The following KIRREL3 variants were observed in gnomAD, a reference collection of about 807,000 sequenced individuals.
The protein encoded by KIRREL3 is kin of IRRE-like protein 3.
KIRREL3 carries 36 observed loss-of-function variants against 89.7 expected under a neutral mutation model. The observed-to-expected ratio is 0.40, with a 90% CI of 0.31 to 0.53. KIRREL3 has a LOEUF of 0.53. KIRREL3 is among the 20% of genes least tolerant of loss of function. The pLI, the probability that KIRREL3 is intolerant of heterozygous loss-of-function variation, is 0.49. For missense variants in KIRREL3, 864 were observed against 1,056.6 expected, an observed-to-expected ratio of 0.82 and a Z score of 2.53; for synonymous variants, 445 against 441.4, an observed-to-expected ratio of 1.01 and a Z score of -0.10.
rs1049895575 is a variant in KIRREL3, at chr11:126,520,978, C to T, written c.433+337G>A. On this transcript the variant is annotated intron_variant, in intron 4 of 16. Transcript: ENST00000525144. The surrounding 1 kb of genome is among the most constrained non-coding windows in gnomAD (Gnocchi z 4.9). ...AGCCTGTGCCACATTCTTCCTGGCA[C>T]GGAGCCTAGCCTAGATAACGTGTGC... is the stretch of plus-strand genomic sequence containing the variant. Among the ~76,000 whole-genome samples the T allele has an allele frequency of 2.4e-4, 37 of 152,264 alleles. No individual in the cohort carries two copies. Among genetic ancestry groups the T allele is most frequent in the African/African-American group, 7.7e-4 (32 of 41,550 alleles).
chr11:126,544,795 G>A lies in KIRREL3; in HGVS notation c.133+18040C>T, dbSNP rs1938654296. Among the ~76,000 whole-genome samples the A allele has an allele frequency of 6.6e-6, 1 of 152,176 alleles. No homozygotes were observed. Among genetic ancestry groups the A allele is most frequent in the Non-Finnish European group, 1.5e-5 (1 of 68,024 alleles). ...TTGCAAGTCCGTTGCTGCCTGGGAA[G>A]CAGCCATTCCTGGACACTTGGCCGA... is the stretch of plus-strand genomic sequence containing the variant. On this transcript the variant is annotated intron_variant, in intron 2 of 16. Coordinates refer to ENST00000525144, the MANE Select transcript of KIRREL3 (RefSeq NM_032531.4). This position sits in a 1 kb window ranked among gnomAD's most constrained non-coding sequence, Gnocchi z 5.6.
intron 11 of KIRREL3, among the ~76,000 whole-genome samples, chr11:126,437,373 G>GCA (rs961724186): frequency 6.7e-6 from 1 of 148,488 alleles, no homozygotes; most frequent in Non-Finnish European, 1.5e-5. Flanking sequence ...ACACAGCTCT[G>GCA]CACACACACA....
intron 1 of KIRREL3, among the ~76,000 whole-genome samples, chr11:126,901,642 A>G (rs1028418651): frequency 1.1e-4 from 17 of 152,218 alleles, no homozygotes; most frequent in Non-Finnish European, 2.4e-4. Flanking sequence ...TATTTAAGTC[A>G]CAACTTGGAT....
chr11:126,864,559 G>A (rs770759405), intron 1 of KIRREL3, among the ~76,000 whole-genome samples: 2 of 152,188 alleles, frequency 1.3e-5, no homozygotes, highest in Non-Finnish European at 2.9e-5. Context: ...CTATGTGTCT[G>A]AACTGGTCTT....
chr11:126,749,686 C>A (rs1557487), intron 1 of KIRREL3, among the ~76,000 whole-genome samples: 130,323 of 152,004 alleles, frequency 0.86, 55,999 homozygotes, highest in East Asian at 1. Context: ...GAAGAAAATA[C>A]AAAAGTCCAC....
intron 1 of KIRREL3, among the ~76,000 whole-genome samples, chr11:126,819,355 A>G (rs1189312898): frequency 6.6e-6 from 1 of 152,214 alleles, no homozygotes; most frequent in African/African-American, 2.4e-5. Context: ...GGACAAGGGA[A>G]GCAACTACCT....
rs377199630 is a variant in KIRREL3, at chr11:126,797,317, G to C, written c.55+203138C>G. 1.2e-3 allele frequency among the ~76,000 whole-genome samples: 180 copies of C among 152,326 alleles called. 2 individuals carry two copies. The South Asian group carries it at 0.035, about 30-fold the overall frequency. ...AATAACAACATTGTTTCAAAGAGCT[G>C]TGTTGAGCATCAAATGCATCTGATT... On this transcript the variant is annotated intron_variant, in intron 1 of 16. Transcript: ENST00000525144. The surrounding 1 kb of genome is among the most constrained non-coding windows in gnomAD (Gnocchi z 4.9).
chr11:126,986,258 T>A (rs1232201224), intron 1 of KIRREL3, among the ~76,000 whole-genome samples: 1 of 152,186 alleles, frequency 6.6e-6, no homozygotes, highest in Non-Finnish European at 1.5e-5. Flanking sequence ...TGAGAACATT[T>A]TTTTTTATGA....
chr11:126,543,834 T>C (rs1938566795), intron 2 of KIRREL3: 1 of 152,398 alleles, frequency 6.6e-6, no homozygotes, highest in South Asian at 2.1e-4. Context: ...TCCCTAGCCA[T>C]AGCTCTCTCT....
intron 1 of KIRREL3, among the ~76,000 whole-genome samples, chr11:126,604,992 A>C (rs1032231267): frequency 1.3e-5 from 2 of 152,222 alleles, no homozygotes; most frequent in African/African-American, 4.8e-5. Flanking sequence ...GTGCATTGTA[A>C]ATTGCAAAGT....
Position 126,521,534 on chromosome 11 carries a change from G to C in KIRREL3, c.284-70C>G. On this transcript the variant is annotated intron_variant, in intron 3 of 16. Transcript: ENST00000525144. This position sits in a 1 kb window ranked among gnomAD's most constrained non-coding sequence, Gnocchi z 4.1. The stretch of plus-strand genomic sequence containing the variant: ...GGGACACCCATGACAAAGAGGCACA[G>C]AATGGAGGACCCAAGCAGGGGCCAT... 11 of 1,409,310 alleles carry C rather than the reference G, an allele frequency of 7.8e-6. No homozygotes were observed. Among genetic ancestry groups the C allele is most frequent in the Non-Finnish European group, 1.1e-5 (11 of 1,042,474 alleles). 87.3% of individuals were successfully genotyped at this position (1,409,310 alleles called of 1,614,324 possible). A position where few individuals can be genotyped will look rare whatever the true frequency, so the allele number is the denominator to read the frequency against.
chr11:126,667,286 G>T (rs1299215036), intron 1 of KIRREL3, among the ~76,000 whole-genome samples: 1 of 152,192 alleles, frequency 6.6e-6, no homozygotes, highest in Admixed American at 6.5e-5. Flanking sequence ...CAGAAGTACT[G>T]TACACACACA....
chr11:126,952,383 GA>G lies in KIRREL3; in HGVS notation c.55+48071del, dbSNP rs371863572. On this transcript the variant is annotated intron_variant, in intron 1 of 16. Coordinates refer to ENST00000525144, the MANE Select transcript of KIRREL3 (RefSeq NM_032531.4). ...CTGGGCGAAAGAGCAAGACTGTCTT[GA>G]AAAAAAAAAAGAATATTCATATCCT... is the stretch of plus-strand genomic sequence containing the variant. Among the ~76,000 whole-genome samples the G allele has an allele frequency of 4.3e-3, 622 of 145,612 alleles. 1 individual carries two copies. Among genetic ancestry groups the G allele is most frequent in the Non-Finnish European group, 6.4e-3 (423 of 65,948 alleles).
Position 126,923,129 on chromosome 11 carries a change from C to CCCT in KIRREL3, c.55+77325_55+77326insAGG, listed in dbSNP as rs1555090095. Among the ~76,000 whole-genome samples, 18 of 25,740 alleles carry CCCT rather than the reference C, an allele frequency of 7.0e-4. 7 individuals carry two copies. The highest frequency in any genetic ancestry group is 3.5e-3 in the African/African-American group (18 of 5,162). The allele number at this position is 25,740 out of a possible 152,430, so 16.9% of individuals were successfully genotyped here. A position where few individuals can be genotyped will look rare whatever the true frequency, so the allele number is the denominator to read the frequency against. ...CCTTCTCCTTCTCCTTCTCCTTCTT[C>CCCT]TCTTCTTCTTCTTCTTCTTCTTCTT... On this transcript the variant is annotated intron_variant, in intron 1 of 16. Coordinates refer to ENST00000525144, the MANE Select transcript of KIRREL3 (RefSeq NM_032531.4).
intron 1 of KIRREL3, among the ~76,000 whole-genome samples, chr11:126,777,067 G>T (rs1388240478): frequency 6.6e-6 from 1 of 152,180 alleles, no homozygotes; most frequent in African/African-American, 2.4e-5. Context: ...ATAACCAGTA[G>T]GACTGTAGTA....
intron 1 of KIRREL3, among the ~76,000 whole-genome samples, chr11:126,589,267 T>C (rs1942024348): frequency 6.6e-6 from 1 of 152,238 alleles, no homozygotes; most frequent in Non-Finnish European, 1.5e-5. Context: ...TGAAAGAGTC[T>C]GGGCTGTTGG....
rs931566820 is a variant in KIRREL3 at position 126,783,029 on chromosome 11, G to A, written c.55+217426C>T. 6.6e-6 allele frequency among the ~76,000 whole-genome samples: 1 copy of A among 152,186 alleles called. No individual in the cohort carries two copies. The highest frequency in any genetic ancestry group is 2.4e-5 in the African/African-American group (1 of 41,454). Reference sequence around the variant, plus strand: ...GTGCCAGAAAATAAGGAAGTGCTCTGTGCTAGTTTCCTAGAGATGTCATAA... The same window carrying A: ...GTGCCAGAAAATAAGGAAGTGCTCTATGCTAGTTTCCTAGAGATGTCATAA... On this transcript the variant is annotated intron_variant, in intron 1 of 16. Transcript: ENST00000525144. This position sits in a 1 kb window ranked among gnomAD's most constrained non-coding sequence, Gnocchi z 4.3.
At chr11:126,436,738 C>A in intron 12 of KIRREL3, 73 bp downstream of exon 12, 1 of 1,549,026 alleles carries the variant, frequency 6.5e-7, no homozygotes, top group Non-Finnish European at 8.9e-7. Flanking sequence ...GCCACCCGCG[C>A]CCTGACCTAG....
At chr11:126,426,911 A>G (rs945034942) in intron 15 of KIRREL3, among the ~76,000 whole-genome samples, 1 of 152,148 alleles carries the variant, frequency 6.6e-6, no homozygotes, top group Non-Finnish European at 1.5e-5. Flanking sequence ...TTCAACTTCT[A>G]AGTCTGCCCC....
Sources: gnomAD v4.1 joint callset for allele counts (sites outside exome capture counted in the v4.1 genomes callset) on GRCh38, gnomAD v4.1.1 for gene constraint, Gnocchi (gnomAD v3.1) non-coding constraint, MANE v1.5 for transcripts, NCBI Gene and HGNC (gene_info 2026-07-23, HGNC 2026-07-21) for gene names.